Variants in DCC observed in about 807,000 individuals in gnomAD.
DCC encodes the protein netrin receptor DCC.
In DCC, 58 loss-of-function variants were observed where a neutral mutation model predicts 172.5. The ratio of observed to expected loss-of-function variants is 0.34; its 90% CI spans 0.27 to 0.42. The LOEUF is 0.42. DCC is among the 10% of genes least tolerant of loss of function. DCC has a pLI of 1.00. For missense variants in DCC, 1,740 were observed against 1,791.0 expected, an observed-to-expected ratio of 0.97 and a Z score of 0.51; for synonymous variants, 709 against 644.5, an observed-to-expected ratio of 1.10 and a Z score of -1.52.
At chr18:53,122,508 T>C (rs1410578980) in intron 7 of DCC, among the ~76,000 whole-genome samples, 1 of 151,190 alleles carries the variant, frequency 6.6e-6, no homozygotes, top group Non-Finnish European at 1.5e-5. Flanking sequence ...TTCATTAAGA[T>C]ACAGATTTTT....
At chr18:53,256,064 G>GT (rs1344945519) in intron 12 of DCC, among the ~76,000 whole-genome samples, 1 of 152,050 alleles carries the variant, frequency 6.6e-6, no homozygotes, top group Non-Finnish European at 1.5e-5. Context: ...GGGGTTGTTT[G>GT]TTTTTTTCTT....
intron 24 of DCC, among the ~76,000 whole-genome samples, chr18:53,461,108 G>A (rs1296512414): frequency 5.9e-5 from 9 of 152,086 alleles, no homozygotes; most frequent in East Asian, 3.9e-4. Context: ...CATGTCCTTC[G>A]CCCACTTTTT....
intron 1 of DCC, among the ~76,000 whole-genome samples, chr18:52,724,206 G>C (rs1378081069): frequency 1.3e-5 from 2 of 152,102 alleles, no homozygotes; most frequent in African/African-American, 4.8e-5. Flanking sequence ...GAGTGCAGTG[G>C]TGCAATCAGG....
At chr18:53,417,934 T>A (rs546730026) in intron 21 of DCC, among the ~76,000 whole-genome samples, 1 of 152,324 alleles carries the variant, frequency 6.6e-6, no homozygotes, top group East Asian at 1.9e-4. Context: ...CCAGTCCCTA[T>A]GATCACACAT....
chr18:52,990,366 C>T (rs542508883), intron 5 of DCC, among the ~76,000 whole-genome samples: 7 of 151,828 alleles, frequency 4.6e-5, no homozygotes, highest in African/African-American at 1.7e-4. Context: ...CATGCAGAAA[C>T]CCCGTCTCTA....
At chr18:53,295,812 G>A (rs1445073965) in intron 12 of DCC, among the ~76,000 whole-genome samples, 1 of 152,090 alleles carries the variant, frequency 6.6e-6, no homozygotes, top group Non-Finnish European at 1.5e-5. Flanking sequence ...TATCTACCGT[G>A]TTGCCTATGT....
At chr18:53,390,117 A>G (rs1038659134) in intron 16 of DCC, among the ~76,000 whole-genome samples, 11 of 152,276 alleles carry the variant, frequency 7.2e-5, no homozygotes, top group Non-Finnish European at 1.2e-4. Context: ...GGAGACTGCA[A>G]CGTCTTCTCT....
At chr18:53,064,166 C>G (rs2144083405) in intron 6 of DCC, among the ~76,000 whole-genome samples, 1 of 152,244 alleles carries the variant, frequency 6.6e-6, no homozygotes, top group African/African-American at 2.4e-5. Flanking sequence ...TAGTGGTACT[C>G]TATTCACTGA....
At chr18:52,398,193 A>T (rs1384884393) in intron 1 of DCC, among the ~76,000 whole-genome samples, 2 of 151,998 alleles carry the variant, frequency 1.3e-5, no homozygotes, top group Non-Finnish European at 2.9e-5. Context: ...GGAGGATTTC[A>T]CAACTTTGGT....
At position 52,347,660 on chromosome 18, in the gene DCC, G is replaced by A. The variant is rs147008324; in HGVS notation, c.91+6782G>A. Among the ~76,000 whole-genome samples, 59 of 152,238 alleles carry A rather than the reference G, an allele frequency of 3.9e-4. No individual in the cohort carries two copies. In the East Asian group the frequency reaches 7.1e-3, roughly 18 times the overall value. ...AAGTTTTGTTGGGGTTGTGTTTAAAGTAGGAGAGGAGATTAGAAAACAGCA... is the reference window on the plus strand; with the variant it reads ...AAGTTTTGTTGGGGTTGTGTTTAAAATAGGAGAGGAGATTAGAAAACAGCA... On this transcript the variant is annotated intron_variant, in intron 1 of 28. Coordinates refer to ENST00000442544, the MANE Select transcript of DCC (RefSeq NM_005215.4).
rs2039104559 is a variant in DCC, at chr18:52,859,518, A to T, written c.413-46526A>T. ...AAAATAGGCTATAGTGGTAAAACAC[A>T]TGAGGGGACCAGGGAAGAGGAGGCC... On this transcript the variant is annotated intron_variant, in intron 2 of 28. Transcript: ENST00000442544. Among the ~76,000 whole-genome samples, 3 of 152,330 alleles carry T rather than the reference A, an allele frequency of 2.0e-5. No homozygotes were observed. The South Asian group carries it at 6.2e-4, about 32-fold the overall frequency.
chr18:52,555,757 G>A (rs923148770), intron 1 of DCC, among the ~76,000 whole-genome samples: 1 of 152,202 alleles, frequency 6.6e-6, no homozygotes, highest in South Asian at 2.1e-4. Flanking sequence ...CAAAAGGATA[G>A]CATCTGATTT....
intron 2 of DCC, among the ~76,000 whole-genome samples, chr18:52,800,721 A>G (rs1424849595): frequency 6.6e-6 from 1 of 152,234 alleles, no homozygotes; most frequent in Non-Finnish European, 1.5e-5. Context: ...TCATAAGTAC[A>G]ATTGGTTCCT....
At chr18:52,961,981 G>A in intron 5 of DCC, among the ~76,000 whole-genome samples, 1 of 152,248 alleles carries the variant, frequency 6.6e-6, no homozygotes, top group Non-Finnish European at 1.5e-5. Context: ...AGACTTAAAT[G>A]TTAGACCTAA....
intron 2 of DCC, among the ~76,000 whole-genome samples, chr18:52,787,221 A>G (rs567517378): frequency 2.1e-4 from 32 of 152,152 alleles, no homozygotes; most frequent in Non-Finnish European, 3.2e-4. Flanking sequence ...TGTTTGACAC[A>G]TAAACATTTC....
At chr18:53,057,127 G>T (rs1488205593) in intron 5 of DCC, among the ~76,000 whole-genome samples, 1 of 145,260 alleles carries the variant, frequency 6.9e-6, no homozygotes, top group South Asian at 2.2e-4. Context: ...TATATGGGGT[G>T]TTGCTGAAAA....
At chr18:52,480,296 A>T (rs952900701) in intron 1 of DCC, among the ~76,000 whole-genome samples, 1 of 152,188 alleles carries the variant, frequency 6.6e-6, no homozygotes, top group African/African-American at 2.4e-5. Context: ...TATTTTAATA[A>T]TTTTTGGCTT....
intron 12 of DCC, among the ~76,000 whole-genome samples, chr18:53,292,666 G>C (rs924038121): frequency 1.3e-5 from 2 of 152,186 alleles, no homozygotes; most frequent in African/African-American, 4.8e-5. Flanking sequence ...TCCAGCCTGG[G>C]TGACAAGAGC....
At chr18:53,468,077 A>C in intron 25 of DCC, 67 bp downstream of exon 25, 1 of 840,742 alleles carries the variant, frequency 1.2e-6, no homozygotes, top group East Asian at 2.4e-5. Context: ...TCTATAAAAA[A>C]TCAAATTATC....
Sources: gnomAD v4.1 joint callset for allele counts (sites outside exome capture counted in the v4.1 genomes callset) on GRCh38, gnomAD v4.1.1 for gene constraint, MANE v1.5 for transcripts, NCBI Gene and HGNC (gene_info 2026-07-23, HGNC 2026-07-21) for gene names.